The following AGAP1 variants were observed in gnomAD, a reference collection of about 807,000 sequenced individuals.
AGAP1 encodes the protein ArfGAP with GTPase domain, ankyrin repeat and PH domain 1.
Under a neutral mutation model 105.3 loss-of-function variants are expected in AGAP1, and 29 were observed. The ratio of observed to expected loss-of-function variants is 0.28; its 90% confidence interval spans 0.21 to 0.38. The LOEUF (loss-of-function observed/expected upper bound fraction) is 0.38, where lower values mean the gene tolerates loss of function less well. Among genes scored for constraint, AGAP1 ranks in the 10% least tolerant of loss-of-function variants. AGAP1 has a pLI of 1.00. For missense variants in AGAP1, 998 were observed against 1,165.1 expected, an observed-to-expected ratio of 0.86 and a Z score of 2.09; for synonymous variants, 509 against 485.9, an observed-to-expected ratio of 1.05 and a Z score of -0.63.
At chr2:235,923,377 G>C (rs2052280051) in intron 11 of AGAP1, among the ~76,000 whole-genome samples, 1 of 152,092 alleles carries the variant, frequency 6.6e-6, no homozygotes, top group Non-Finnish European at 1.5e-5. Flanking sequence ...TAGGTTTTTG[G>C]ATAAGTGTTA....
rs1234788860 is a variant in AGAP1 at position 235,958,572 on chromosome 2, C to A, written c.1484-9890C>A. Among the ~76,000 whole-genome samples the A allele has an allele frequency of 2.0e-5, 3 of 152,144 alleles. No homozygotes were observed. The highest frequency in any genetic ancestry group is 2.9e-5 in the Non-Finnish European group (2 of 68,012). On this transcript the variant is annotated intron_variant, in intron 12 of 17. Transcript: ENST00000304032. This position sits in a 1 kb window ranked among gnomAD's most constrained non-coding sequence, Gnocchi z 4.1. Reference sequence around the variant, plus strand: ...AGGCGAGCTCCCTGCAATGGTTCATCAAAAATTGCCCAGCTAATGATCGGC... The same window carrying A: ...AGGCGAGCTCCCTGCAATGGTTCATAAAAAATTGCCCAGCTAATGATCGGC...
rs1196538105 is a variant in AGAP1 at position 236,027,020 on chromosome 2, G to A, written c.1646-9541G>A. 2.0e-5 allele frequency among the ~76,000 whole-genome samples: 3 copies of A among 152,216 alleles called. No homozygotes were observed. The highest frequency in any genetic ancestry group is 4.4e-5 in the Non-Finnish European group (3 of 68,042). ...GCTGTAAAGTCCTGGCGTTGTGCCT[G>A]ACAGAATTTGGAGCCCAGTGGTATT... On this transcript the variant is annotated intron_variant, in intron 13 of 17. Transcript: ENST00000304032. The surrounding 1 kb of genome is among the most constrained non-coding windows in gnomAD (Gnocchi z 4.4).
intron 1 of AGAP1, among the ~76,000 whole-genome samples, chr2:235,648,105 T>C (rs1302502449): frequency 6.6e-6 from 1 of 152,244 alleles, no homozygotes; most frequent in Non-Finnish European, 1.5e-5. Flanking sequence ...TAGCTTTAGC[T>C]AATTACATTG....
chr2:235,954,626 G>T (rs992232780), intron 12 of AGAP1, among the ~76,000 whole-genome samples: 5 of 150,952 alleles, frequency 3.3e-5, no homozygotes, highest in African/African-American at 9.8e-5. Context: ...AGCCATGTTT[G>T]CACGTTCTTT....
At chr2:235,520,975 T>C (rs978049741) in intron 1 of AGAP1, among the ~76,000 whole-genome samples, 1 of 152,206 alleles carries the variant, frequency 6.6e-6, no homozygotes, top group African/African-American at 2.4e-5. Flanking sequence ...ATTTCTGATG[T>C]CACAGGAAAG....
At chr2:235,743,523 G>C (rs1052508776) in intron 4 of AGAP1, among the ~76,000 whole-genome samples, 1 of 152,066 alleles carries the variant, frequency 6.6e-6, no homozygotes, top group Non-Finnish European at 1.5e-5. Flanking sequence ...CTGCTATCAC[G>C]ATCTTCCCAG....
At chr2:235,694,304 C>G (rs1949890040) in intron 1 of AGAP1, among the ~76,000 whole-genome samples, 1 of 151,866 alleles carries the variant, frequency 6.6e-6, no homozygotes, top group African/African-American at 2.4e-5. Flanking sequence ...ATGGTGAAAC[C>G]CCGTCTCTAC....
rs2057676391 is a variant in AGAP1, at chr2:236,045,082, T to C, written c.1892-3977T>C. Among the ~76,000 whole-genome samples, 1 of 152,190 alleles carries C rather than the reference T, an allele frequency of 6.6e-6. No individual in the cohort carries two copies. The highest frequency in any genetic ancestry group is 2.1e-4 in the South Asian group (1 of 4,828). ...TGTGCGTGCCACCACGCCGACCTGA[T>C]TTTTTAAATTTTTTGTAGAGAGGTA... is the stretch of plus-strand genomic sequence containing the variant. On this transcript the variant is annotated intron_variant, in intron 15 of 17. Transcript: ENST00000304032. The surrounding 1 kb of genome is among the most constrained non-coding windows in gnomAD (Gnocchi z 6.9).
intron 1 of AGAP1, among the ~76,000 whole-genome samples, chr2:235,593,435 T>C (rs1945417271): frequency 6.6e-6 from 1 of 152,224 alleles, no homozygotes; most frequent in Non-Finnish European, 1.5e-5. Context: ...CAGAATCTAA[T>C]TTTAGTTGTT....
chr2:235,943,798 G>C (rs574553374), intron 12 of AGAP1, among the ~76,000 whole-genome samples: 4 of 152,328 alleles, frequency 2.6e-5, no homozygotes, highest in African/African-American at 9.6e-5. Context: ...GACAGAGGGT[G>C]GGGTGTGGCT....
At chr2:235,878,369 A>G (rs2049849385) in intron 9 of AGAP1, among the ~76,000 whole-genome samples, 1 of 152,144 alleles carries the variant, frequency 6.6e-6, no homozygotes, top group South Asian at 2.1e-4. Flanking sequence ...AAATCTGGCC[A>G]CGTGGGACCC....
chr2:235,745,534 A>G (rs1020889579), intron 5 of AGAP1, among the ~76,000 whole-genome samples: 2 of 152,240 alleles, frequency 1.3e-5, no homozygotes, highest in Non-Finnish European at 2.9e-5. Flanking sequence ...TAAAAGTCAG[A>G]TGGAGGTTAG....
chr2:235,733,701 G>A lies in AGAP1; in HGVS notation c.311-7262G>A, dbSNP rs562845143. 4.6e-5 allele frequency among the ~76,000 whole-genome samples: 7 copies of A among 152,308 alleles called. No homozygotes were observed. Among genetic ancestry groups the A allele is most frequent in the East Asian group, 1.9e-4 (1 of 5,174 alleles). ...ACCGTGGCCTGCCCAAGGAAATCGT[G>A]TTAAGTGCTCACTTCACTGCGGGTC... is the stretch of plus-strand genomic sequence containing the variant. On this transcript the variant is annotated intron_variant, in intron 3 of 17. Coordinates refer to ENST00000304032, the MANE Select transcript of AGAP1 (RefSeq NM_001037131.3). The surrounding 1 kb of genome is among the most constrained non-coding windows in gnomAD (Gnocchi z 5.0).
rs2055116428 is a variant in AGAP1, at chr2:235,981,919, G to C, written c.1645+13296G>C. Reference sequence around the variant, plus strand: ...TCAGCGGTCTTGCCTCCGAATCTTGGCTTGTCTAGGATTCTTCCTACAGAA... The same window carrying C: ...TCAGCGGTCTTGCCTCCGAATCTTGCCTTGTCTAGGATTCTTCCTACAGAA... On this transcript the variant is annotated intron_variant, in intron 13 of 17. Coordinates refer to ENST00000304032, the MANE Select transcript of AGAP1 (RefSeq NM_001037131.3). This position sits in a 1 kb window ranked among gnomAD's most constrained non-coding sequence, Gnocchi z 5.5. Among the ~76,000 whole-genome samples, 1 of 152,128 alleles carries C rather than the reference G, an allele frequency of 6.6e-6. No homozygotes were observed. The highest frequency in any genetic ancestry group is 2.4e-5 in the African/African-American group (1 of 41,424).
At chr2:236,021,547 G>A (rs1041959431) in intron 13 of AGAP1, among the ~76,000 whole-genome samples, 9 of 152,176 alleles carry the variant, frequency 5.9e-5, no homozygotes, top group South Asian at 4.1e-4. Context: ...AACAGTTACC[G>A]CTTAGTAACA....
chr2:235,799,644 A>G lies in AGAP1; in HGVS notation c.957+122A>G, dbSNP rs1443336398. ...TCTCAACTATATTAAAGTGAATAAC[A>G]TTGATTTCTGTGGAGGACTAAGAAA... On this transcript the variant is annotated intron_variant, in intron 8 of 17. Coordinates refer to ENST00000304032, the MANE Select transcript of AGAP1 (RefSeq NM_001037131.3). This position sits in a 1 kb window ranked among gnomAD's most constrained non-coding sequence, Gnocchi z 5.0. The G allele has an allele frequency of 1.7e-6, 2 of 1,146,870 alleles. No individual in the cohort carries two copies. The highest frequency in any genetic ancestry group is 2.5e-5 in the East Asian group (1 of 39,830). The allele number at this position is 1,146,870 out of a possible 1,614,324, so 71.0% of individuals were successfully genotyped here.
chr2:236,040,610 T>G lies in AGAP1; in HGVS notation c.1801-141T>G. The G allele has an allele frequency of 2.8e-6, 1 of 354,442 alleles. No homozygotes were observed. Among genetic ancestry groups the G allele is most frequent in the Non-Finnish European group, 4.9e-6 (1 of 202,760 alleles). The allele number at this position is 354,442 out of a possible 1,614,324, so 22.0% of individuals were successfully genotyped here. On this transcript the variant is annotated intron_variant, in intron 14 of 17. Coordinates refer to ENST00000304032, the MANE Select transcript of AGAP1 (RefSeq NM_001037131.3). The surrounding 1 kb of genome is among the most constrained non-coding windows in gnomAD (Gnocchi z 5.6). ...TCAGTTATGCTCTTTCCCAAAGACA[T>G]CAAAACAAGAGTGATTGTTTAGAAA...
Position 236,002,002 on chromosome 2 carries a change from G to A in AGAP1, c.1645+33379G>A, listed in dbSNP as rs1327149385. Among the ~76,000 whole-genome samples, 10 of 152,180 alleles carry A rather than the reference G, an allele frequency of 6.6e-5. No individual in the cohort carries two copies. Among genetic ancestry groups the A allele is most frequent in the African/African-American group, 9.7e-5 (4 of 41,444 alleles). Reference sequence around the variant, plus strand: ...AGCTTGCGTTGCACATTCAGCCCACGCCTCCATGGCTGGTCCTGGACTGGG... The same window carrying A: ...AGCTTGCGTTGCACATTCAGCCCACACCTCCATGGCTGGTCCTGGACTGGG... On this transcript the variant is annotated intron_variant, in intron 13 of 17. Transcript: ENST00000304032. This position sits in a 1 kb window ranked among gnomAD's most constrained non-coding sequence, Gnocchi z 4.3.
At chr2:235,885,703 C>G (rs975183412) in intron 10 of AGAP1, among the ~76,000 whole-genome samples, 7 of 152,136 alleles carry the variant, frequency 4.6e-5, no homozygotes, top group African/African-American at 1.7e-4. Context: ...CTTGAGTTGC[C>G]CTTGTCTCCT....
Sources: allele counts gnomAD v4.1 joint callset (sites outside exome capture counted in the v4.1 genomes callset), GRCh38; gene constraint gnomAD v4.1.1; non-coding constraint Gnocchi (gnomAD v3.1); transcripts MANE v1.5; gene names NCBI Gene and HGNC (gene_info 2026-07-23, HGNC 2026-07-21).